Variants in CCSER1 observed in about 807,000 individuals in gnomAD.
CCSER1 encodes coiled-coil serine rich protein 1, also known as serine-rich coiled-coil domain-containing protein 1.
CCSER1 carries 41 observed loss-of-function variants against 82.0 expected under a neutral mutation model. The ratio of observed to expected loss-of-function variants is 0.50; its 90% CI spans 0.39 to 0.65. CCSER1 has a LOEUF of 0.65. Ranked by LOEUF, CCSER1 falls within the 30% of genes least tolerant of loss-of-function variation. CCSER1 has a pLI of 0.00. For missense variants in CCSER1, 1,119 were observed against 1,064.2 expected (o/e 1.05, Z -0.72); for synonymous variants, 414 against 383.9 (o/e 1.08, Z -0.92).
At chr4:91,541,322 G>A (rs1364017739) in intron 10 of CCSER1, among the ~76,000 whole-genome samples, 1 of 152,182 alleles carries the variant, frequency 6.6e-6, no homozygotes, top group African/African-American at 2.4e-5. Context: ...TTGGTGCGCT[G>A]CACCCATTAA....
chr4:91,225,227 TATATACATGTATAATTATATAC>T (rs1443498285), intron 10 of CCSER1, among the ~76,000 whole-genome samples: 2 of 141,888 alleles, frequency 1.4e-5, no homozygotes, highest in African/African-American at 2.5e-5. Context: ...TGTATACAGT[TATATACATGTATAATTATATAC>T]ATATACATGT....
chr4:91,127,548 A>C (rs1727626042), intron 10 of CCSER1, among the ~76,000 whole-genome samples: 1 of 152,076 alleles, frequency 6.6e-6, no homozygotes, highest in Admixed American at 6.6e-5. Context: ...TATGAATTGG[A>C]GATTTTGAGT....
At chr4:90,476,744 G>A (rs531998754) in intron 5 of CCSER1, among the ~76,000 whole-genome samples, 1 of 152,230 alleles carries the variant, frequency 6.6e-6, no homozygotes, top group South Asian at 2.1e-4. Flanking sequence ...TTATCTCTCT[G>A]CTGTTTATTG....
chr4:91,084,615 T>A (rs189830023), intron 9 of CCSER1, among the ~76,000 whole-genome samples: 1 of 152,280 alleles, frequency 6.6e-6, no homozygotes, highest in Admixed American at 6.5e-5. Context: ...AGCTTTACAT[T>A]TAAGAAATGT....
intron 10 of CCSER1, among the ~76,000 whole-genome samples, chr4:91,367,130 C>CAAA (rs70965488): frequency 2.0e-4 from 13 of 63,674 alleles, no homozygotes; most frequent in Non-Finnish European, 2.8e-4. Context: ...ACCATCTCTC[C>CAAA]AAAAAAAAAA....
Position 91,100,370 on chromosome 4 carries a change from C to CTATTAT in CCSER1, c.2217+14390_2217+14395dup, listed in dbSNP as rs144104351. ...AGCACCCAATACATGGCAACAGTTA[C>CTATTAT]TATTATTATTATTATTATTTATATA... On this transcript the variant is annotated intron_variant, in intron 10 of 10. Transcript: ENST00000509176. 8.4e-3 allele frequency among the ~76,000 whole-genome samples: 1,265 copies of CTATTAT among 151,180 alleles called. 12 individuals carry two copies. Among genetic ancestry groups the CTATTAT allele is most frequent in the African/African-American group, 0.029 (1,216 of 41,270 alleles).
rs779598231 is a variant in CCSER1, at chr4:90,478,732, T to G, written c.1724+10378T>G. On this transcript the variant is annotated intron_variant, in intron 5 of 10. Transcript: ENST00000509176. ...GAATAAATTGTACTTTCTTTCTTTC[T>G]TTTTTTTTTTTTTTTTTATTTTTTT... 7.0e-3 allele frequency among the ~76,000 whole-genome samples: 755 copies of G among 108,090 alleles called. 4 individuals are homozygous for G. Among genetic ancestry groups the G allele is most frequent in the Non-Finnish European group, 0.011 (599 of 54,040 alleles). 70.9% of individuals were successfully genotyped at this position (108,090 alleles called of 152,430 possible).
chr4:90,796,576 G>A (rs1469632624), intron 7 of CCSER1, among the ~76,000 whole-genome samples: 1 of 151,916 alleles, frequency 6.6e-6, no homozygotes, highest in African/African-American at 2.4e-5. Context: ...TGTGATGTTA[G>A]GTTGTTAACT....
chr4:90,747,444 G>A (rs1747682364), intron 7 of CCSER1, among the ~76,000 whole-genome samples: 1 of 152,034 alleles, frequency 6.6e-6, no homozygotes, highest in African/African-American at 2.4e-5. Context: ...CAAGATTTCT[G>A]CCTGGAGGGG....
intron 5 of CCSER1, among the ~76,000 whole-genome samples, chr4:90,513,514 T>C (rs534870157): frequency 6.6e-6 from 1 of 152,326 alleles, no homozygotes; most frequent in African/African-American, 2.4e-5. Flanking sequence ...TCATAGTATT[T>C]TGTCTTTTTC....
chr4:91,192,681 G>T (rs1292817240), intron 10 of CCSER1, among the ~76,000 whole-genome samples: 2 of 151,974 alleles, frequency 1.3e-5, no homozygotes, highest in African/African-American at 4.8e-5. Context: ...TGCTTCTGTT[G>T]ACAAAGATTC....
At chr4:91,102,046 T>G (rs915545909) in intron 10 of CCSER1, among the ~76,000 whole-genome samples, 1 of 152,198 alleles carries the variant, frequency 6.6e-6, no homozygotes, top group Non-Finnish European at 1.5e-5. Flanking sequence ...GGGAGACTTA[T>G]GAGGCCTCAG....
chr4:90,403,460 C>T (rs1454854826), intron 4 of CCSER1, among the ~76,000 whole-genome samples: 3 of 132,272 alleles, frequency 2.3e-5, no homozygotes, highest in Non-Finnish European at 4.6e-5. Context: ...GATCCCGCCA[C>T]TGCACTCCAG....
At chr4:90,243,578 G>A (rs1415466746) in intron 1 of CCSER1, among the ~76,000 whole-genome samples, 2 of 151,294 alleles carry the variant, frequency 1.3e-5, no homozygotes, top group African/African-American at 4.9e-5. Flanking sequence ...GGGAGGTGGG[G>A]GGTCTTGCTT....
intron 1 of CCSER1, among the ~76,000 whole-genome samples, chr4:90,303,712 A>C (rs1733638198): frequency 6.6e-6 from 1 of 152,210 alleles, no homozygotes; most frequent in Non-Finnish European, 1.5e-5. Flanking sequence ...AAGAAAACCT[A>C]GGCATTACCA....
chr4:90,405,392 G>T (rs929941456), intron 4 of CCSER1, among the ~76,000 whole-genome samples: 6 of 152,272 alleles, frequency 3.9e-5, no homozygotes, highest in South Asian at 2.1e-4. Context: ...TGAATAATTG[G>T]TGTTCCTGGG....
intron 9 of CCSER1, among the ~76,000 whole-genome samples, chr4:90,984,637 T>C (rs568823663): frequency 1.3e-5 from 2 of 151,894 alleles, no homozygotes; most frequent in Non-Finnish European, 2.9e-5. Context: ...GGATCTCTTT[T>C]AATGGAGTGG....
At chr4:90,652,407 C>G (rs1183618033) in intron 6 of CCSER1, among the ~76,000 whole-genome samples, 1 of 152,026 alleles carries the variant, frequency 6.6e-6, no homozygotes, top group Non-Finnish European at 1.5e-5. Context: ...CAGCACTTTT[C>G]TTCTGAAAAT....
chr4:91,590,309 T>C (rs1424720616), intron 10 of CCSER1, among the ~76,000 whole-genome samples: 2 of 152,086 alleles, frequency 1.3e-5, no homozygotes, highest in Non-Finnish European at 2.9e-5. Flanking sequence ...AAAAATCAGG[T>C]CCTGTCTGCC....
Sources: allele counts gnomAD v4.1 joint callset (sites outside exome capture counted in the v4.1 genomes callset), GRCh38; gene constraint gnomAD v4.1.1; transcripts MANE v1.5; gene names NCBI Gene and HGNC (gene_info 2026-07-23, HGNC 2026-07-21).